CCAR2: variants seen among roughly 807,000 people sequenced by gnomAD.
CCAR2 encodes the protein cell cycle and apoptosis regulator protein 2.
Under a neutral mutation model 108.1 loss-of-function variants are expected in CCAR2, and 21 were observed. The observed-to-expected ratio is 0.19, with a 90% CI of 0.14 to 0.28. The LOEUF is 0.28. Among genes scored for constraint, CCAR2 ranks in the 10% least tolerant of loss-of-function variants. The probability of loss-of-function intolerance (pLI) is 1.00; values close to 1 mark genes in which losing one functional copy is unlikely to be tolerated. For synonymous variants in CCAR2, 577 were observed against 472.8 expected (o/e 1.22, Z -2.86); for missense variants, 1,126 against 1,177.0 (o/e 0.96, Z 0.63).
chr8:22,620,715 C>T (rs1038548028), downstream of CCAR2: 11 of 152,318 alleles, frequency 7.2e-5, no homozygotes, highest in South Asian at 2.1e-4. Context: ...ACTATGTGGA[C>T]GTTTCATTGA....
In CCAR2 at chr8:22,617,356, G is replaced by A. The variant is rs533112855; in HGVS notation, c.1846-64G>A. 6.0e-6 allele frequency: 9 copies of A among 1,505,456 alleles called. No homozygotes were observed. In the South Asian group the frequency reaches 1.2e-4, roughly 21 times the overall value. 93.3% of individuals were successfully genotyped at this position (1,505,456 alleles called of 1,614,324 possible). A position where few individuals can be genotyped will look rare whatever the true frequency, so the allele number is the denominator to read the frequency against. On this transcript the variant is annotated intron_variant, in intron 14 of 20. Transcript: ENST00000308511. Reference sequence around the variant, plus strand: ...TAGTTGATACTCAGGTGTCAGCCATGCTTACTATTGGTAATTATGGTAACT... The same window carrying A: ...TAGTTGATACTCAGGTGTCAGCCATACTTACTATTGGTAATTATGGTAACT...
In CCAR2 at chr8:22,614,116, C is replaced by T; in HGVS notation, c.729C>T (p.Leu243=). The T allele has an allele frequency of 6.2e-7, 1 of 1,614,022 alleles. No homozygotes were observed. Among genetic ancestry groups the T allele is most frequent in the South Asian group, 1.1e-5 (1 of 91,092 alleles). The part of the protein sequence containing the change: ...VDSPICDFLE[L]QRRYRSLLVP... ...GCCCCATCTGTGACTTCCTAGAACT[C>T]CAGCGCCGTTACCGCAGCCTCCTGG... The change falls in exon 9 of 21, where the codon CTC becomes CTT. Residue 243 remains leucine (L), a synonymous_variant. Coordinates refer to ENST00000308511, the MANE Select transcript of CCAR2 (RefSeq NM_001393997.1).
chr8:22,617,317 C>G, intron 14 of CCAR2, 103 bp from the exon 15 acceptor site: 1 of 1,351,274 alleles, frequency 7.4e-7, no homozygotes, highest in Non-Finnish European at 1.0e-6. Flanking sequence ...GCCCTCCATA[C>G]AGTGCCTGGG....
Position 22,615,719 on chromosome 8 carries a change from A to C in CCAR2, c.1415A>C (p.Glu472Ala). 3 of 1,613,748 alleles carry C rather than the reference A, an allele frequency of 1.9e-6. No homozygotes were observed. The highest frequency in any genetic ancestry group is 2.5e-6 in the Non-Finnish European group (3 of 1,180,002). ...ACTGAACAGGCACCTGATGCCTTGG[A>C]GCAAGCAGCAGACACTTCTAGACGG... ...EPTEQAPDAL[E>A]QAADTSRRNA... Residue 472 changes from glutamate to alanine, a missense_variant, in exon 13 of 21, where the codon GAG becomes GCG. Around this residue, in one of 4 missense-constraint regions of CCAR2, gnomAD observed 1,013 missense variants for 993.9 expected, o/e 1.02. Transcript: ENST00000308511.
chr8:22,616,319 C>G, intron 14 of CCAR2, 71 bp downstream of exon 14: 4 of 1,422,106 alleles, frequency 2.8e-6, no homozygotes, highest in Non-Finnish European at 3.9e-6. Flanking sequence ...GGGCTCTGTT[C>G]CGAGCGCTTC....
chr8:22,611,911 T>G (rs796670465), intron 7 of CCAR2, among the ~76,000 whole-genome samples: 20 of 152,220 alleles, frequency 1.3e-4, no homozygotes, highest in African/African-American at 4.6e-4. Flanking sequence ...TTTATGACTT[T>G]AATGTGTATT....
At chr8:22,612,166 T>C (rs1801311507) in intron 7 of CCAR2, among the ~76,000 whole-genome samples, 1 of 152,064 alleles carries the variant, frequency 6.6e-6, no homozygotes, top group Non-Finnish European at 1.5e-5. Flanking sequence ...AGGCTGGTCT[T>C]GAACTCCCGA....
intron 2 of CCAR2, 56 bp from the exon 3 acceptor site, chr8:22,606,029 A>G: frequency 2.0e-6 from 3 of 1,493,538 alleles, no homozygotes; most frequent in South Asian, 2.3e-5. Flanking sequence ...CCTTTGGTTG[A>G]CTCGTGCTTA....
intron 7 of CCAR2, among the ~76,000 whole-genome samples, chr8:22,608,899 TC>T (rs1314108155): frequency 2.6e-5 from 4 of 152,220 alleles, no homozygotes; most frequent in South Asian, 2.1e-4. Flanking sequence ...CAGCTACCAT[TC>T]TTTTTCATCT....
rs748839227 is a variant in CCAR2 at position 22,618,591 on chromosome 8, C to G, written c.2221-26C>G. 3 of 1,614,048 alleles carry G rather than the reference C, an allele frequency of 1.9e-6. No individual in the cohort carries two copies. The South Asian group carries it at 3.3e-5, about 18-fold the overall frequency. ...TGGCCAGGGTCGGGGACGGGGCCTTCTGATCAGCAGATGTGTTTTCTGCAG... is the reference window on the plus strand; with the variant it reads ...TGGCCAGGGTCGGGGACGGGGCCTTGTGATCAGCAGATGTGTTTTCTGCAG... On this transcript the variant is annotated intron_variant, in intron 17 of 20. Coordinates refer to ENST00000308511, the MANE Select transcript of CCAR2 (RefSeq NM_001393997.1).
chr8:22,605,034 C>T (rs764862215), intron 1 of CCAR2, 192 bp downstream of exon 1: 6 of 298,668 alleles, frequency 2.0e-5, no homozygotes, highest in Admixed American at 9.9e-5. Flanking sequence ...GGAGAAACCG[C>T]GCGCCTCAGT....
rs776320111 is a variant in CCAR2, at chr8:22,606,600, C to G, written c.151-7C>G. The G allele has an allele frequency of 6.2e-7, 1 of 1,611,850 alleles. No individual in the cohort carries two copies. The highest frequency in any genetic ancestry group is 1.3e-5 in the African/African-American group (1 of 74,884). On this transcript the variant is annotated splice_polypyrimidine_tract_variant and splice_region_variant and intron_variant, in intron 3 of 20. Transcript: ENST00000308511. ...TTTTACTTTTCAGCTGTCTCCTTCT[C>G]TTACAGGGTGGGGAGAAACAGCGGG...
intron 1 of CCAR2, 121 bp downstream of exon 1, chr8:22,604,963 C>T (rs998775213): frequency 9.1e-6 from 3 of 331,296 alleles, no homozygotes; most frequent in African/African-American, 4.7e-5. Flanking sequence ...CCGAGCCCCT[C>T]TTTGGACTGC....
In CCAR2 at chr8:22,617,707, C is replaced by T; in HGVS notation, c.2002C>T (p.Leu668=). ...DGEEEFAGAK[L]EDSEVRSVAS... ...TGGCCTTTCTGTAGCAGGAGCAAAG[C>T]TGGAGGATTCGGAGGTCCGGTCCGT... is the stretch of plus-strand genomic sequence containing the variant. Residue 668 remains leucine, a synonymous_variant, in exon 16 of 21, where the codon CTG becomes TTG. Transcript: ENST00000308511. 3 of 1,614,178 alleles carry T rather than the reference C, an allele frequency of 1.9e-6. No homozygotes were observed. Among genetic ancestry groups the T allele is most frequent in the Non-Finnish European group, 2.5e-6 (3 of 1,180,020 alleles).
Position 22,614,141 on chromosome 8 carries a change from G to A in CCAR2, c.754G>A (p.Val252Ile). ...CCAGCGCCGTTACCGCAGCCTCCTG[G>A]TCCCCTCAGATTTTCTGTCCGTGCA... ...ELQRRYRSLL[V>I]PSDFLSVHLS... Residue 252 changes from valine to isoleucine, a missense_variant, in exon 9 of 21, where the codon GTC becomes ATC. Around this residue, in one of 4 missense-constraint regions of CCAR2, gnomAD observed 1,013 missense variants for 993.9 expected, o/e 1.02. Transcript: ENST00000308511. 6.2e-7 allele frequency: 1 copy of A among 1,613,958 alleles called. No homozygotes were observed. The highest frequency in any genetic ancestry group is 1.6e-4 in the Middle Eastern group (1 of 6,062).
downstream of CCAR2, chr8:22,621,058 T>C (rs1801780727): frequency 2.7e-5 from 5 of 188,278 alleles, no homozygotes; most frequent in Admixed American, 2.4e-4. Context: ...CTTTTGGAGG[T>C]AGATTTGATG....
chr8:22,619,449 A>C (rs1267738539), intron 20 of CCAR2, 94 bp downstream of exon 20: 1 of 1,457,958 alleles, frequency 6.9e-7, no homozygotes, highest in Non-Finnish European at 9.3e-7. Context: ...GAGTGACCAG[A>C]GGGCCAGCAG....
chr8:22,604,849 TG>T lies in CCAR2; in HGVS notation c.-39+13del. 3 of 452,616 alleles carry T rather than the reference TG, an allele frequency of 6.6e-6. No homozygotes were observed. Among genetic ancestry groups the T allele is most frequent in the South Asian group, 1.6e-5 (1 of 64,332 alleles). 28.0% of individuals were successfully genotyped at this position (452,616 alleles called of 1,614,324 possible). ...TCGCTGCCCTGGCCCGCAGGTGGGT[TG>T]GGGGGCCCCCTGCCGCCCCTCTGCC... On this transcript the variant is annotated splice_region_variant and intron_variant, in intron 1 of 20. Coordinates refer to ENST00000308511, the MANE Select transcript of CCAR2 (RefSeq NM_001393997.1).
rs1376282429 is a variant in CCAR2 at position 22,616,139 on chromosome 8, CCAAGGAAGAAGCCACCAA to C, written c.1737_1754del (p.Lys580_Lys585del). On this transcript the variant is annotated inframe_deletion, in exon 14 of 21. Coordinates refer to ENST00000308511, the MANE Select transcript of CCAR2 (RefSeq NM_001393997.1). ...CCTGAACCTGAGAAGGAGGAGGCGG[CCAAGGAAGAAGCCACCAA>C]GGAGGAAGAAGCCATCAAAGAGGAG... The C allele has an allele frequency of 3.7e-6, 6 of 1,613,636 alleles. No individual in the cohort carries two copies. Among genetic ancestry groups the C allele is most frequent in the Non-Finnish European group, 5.1e-6 (6 of 1,179,868 alleles).
Sources: allele counts gnomAD v4.1 joint callset (sites outside exome capture counted in the v4.1 genomes callset), GRCh38; gene constraint gnomAD v4.1.1; regional missense constraint gnomAD v4.1.1; transcripts MANE v1.5; gene names NCBI Gene and HGNC (gene_info 2026-07-23, HGNC 2026-07-21).